ZNF239: variants seen among roughly 807,000 people sequenced by gnomAD.
ZNF239 encodes the protein zinc finger protein 239.
A neutral mutation model predicts 27.5 loss-of-function variants in ZNF239; 16 were observed. That is an observed-to-expected ratio of 0.58 (90% CI 0.39 to 0.88). The LOEUF is 0.88. ZNF239 is among the 40% of genes least tolerant of loss of function. ZNF239 has a pLI of 0.00. For missense variants in ZNF239, 527 were observed against 551.9 expected, an observed-to-expected ratio of 0.95 and a Z score of 0.45; for synonymous variants, 199 against 192.6, an observed-to-expected ratio of 1.03 and a Z score of -0.27.
chr10:43,570,918 T>TA (rs930684934), intron 2 of ZNF239: 20 of 984,080 alleles, frequency 2.0e-5, no homozygotes, highest in African/African-American at 7.0e-5. Flanking sequence ...TTGTGGTAGG[T>TA]AAAAAAAATG....
At chr10:43,570,981 G>A (rs1460365078) in intron 2 of ZNF239, 1 of 985,070 alleles carries the variant, frequency 1.0e-6, no homozygotes, top group African/African-American at 1.7e-5. Flanking sequence ...AGGAGAAAAG[G>A]AAAGGAAATT....
chr10:43,557,894 T>C lies in ZNF239; in HGVS notation c.186A>G (p.Thr62=), dbSNP rs375414028. ...GGCTTGAGACTTTCAAAGGCAAATA[T>C]GTTTCACTTTCAATGTTTTCGAAAC... ...SGCFENIESE[T]YLPLKVSSQI... is the part of the protein sequence containing the mutation. The change falls in exon 4 of 4, where the codon ACA becomes ACG. Residue 62 remains threonine (T), a synonymous_variant. Transcript: ENST00000374446. 8 of 1,614,118 alleles carry C rather than the reference T, an allele frequency of 5.0e-6. No individual in the cohort carries two copies. The African/African-American group carries it at 1.1e-4, about 22-fold the overall frequency.
At chr10:43,558,795 T>C (rs1444954027) in intron 3 of ZNF239, among the ~76,000 whole-genome samples, 2 of 152,224 alleles carry the variant, frequency 1.3e-5, no homozygotes, top group Non-Finnish European at 2.9e-5. Flanking sequence ...TCTGCTTTCA[T>C]AGGTGTGGGG....
chr10:43,558,121 C>T lies in ZNF239; in HGVS notation c.-42G>A. On this transcript the variant is annotated 5_prime_UTR_variant, in exon 4 of 4. Coordinates refer to ENST00000374446, the MANE Select transcript of ZNF239 (RefSeq NM_001099282.2). The stretch of plus-strand genomic sequence containing the variant: ...CAGGAGGAAAGCTCATGTAACAGAT[C>T]CTGAAGTGTTTTCTGCTGAAGATTC... The T allele has an allele frequency of 6.4e-7, 1 of 1,566,916 alleles. No individual in the cohort carries two copies. The highest frequency in any genetic ancestry group is 1.2e-5 in the South Asian group (1 of 84,446).
At chr10:43,563,909 T>G (rs1349339783) in intron 3 of ZNF239, among the ~76,000 whole-genome samples, 1 of 152,098 alleles carries the variant, frequency 6.6e-6, no homozygotes. Flanking sequence ...TTCTCCCACC[T>G]CAGCCTCCCA....
rs547662150 is a variant in ZNF239 at position 43,561,265 on chromosome 10, T to C, written c.-92-3094A>G. 2.8e-4 allele frequency among the ~76,000 whole-genome samples: 43 copies of C among 152,174 alleles called. No individual in the cohort carries two copies. In the South Asian group the frequency reaches 7.5e-3, roughly 26 times the overall value. On this transcript the variant is annotated intron_variant, in intron 3 of 3. Transcript: ENST00000374446. ...AATTCAAGATTCAGGGCCCAATAAA[T>C]GCTAAAAAATGGTATGTAAAAAGAC...
At chr10:43,570,117 A>C in intron 2 of ZNF239, 2 of 960,944 alleles carry the variant, frequency 2.1e-6, no homozygotes, top group Non-Finnish European at 2.5e-6. Flanking sequence ...GCCTGAGGCT[A>C]AAGAGGCACC....
chr10:43,569,468 T>C (rs1466413179), intron 2 of ZNF239, among the ~76,000 whole-genome samples: 1 of 152,040 alleles, frequency 6.6e-6, no homozygotes, highest in Non-Finnish European at 1.5e-5. Context: ...TCCTGTCACC[T>C]CCCCAACCTA....
rs201462635 is a variant in ZNF239, at chr10:43,557,036, C to G, written c.1044G>C (p.Lys348Asn). ...QRVHTGERPY[K>N]CGECGKGFSQ... ...TGAAGCCCTTCCCACACTCACCACA[C>G]TTGTAGGGCCTCTCTCCTGTGTGTA... Residue 348 changes from lysine to asparagine, a missense_variant, in exon 4 of 4, where the codon AAG becomes AAC. By Grantham distance (94) the Lys-to-Asn change is moderately conservative. Coordinates refer to ENST00000374446, the MANE Select transcript of ZNF239 (RefSeq NM_001099282.2). 3.1e-6 allele frequency: 5 copies of G among 1,612,940 alleles called. No homozygotes were observed. The South Asian group carries it at 5.5e-5, about 18-fold the overall frequency.
At chr10:43,564,335 T>A (rs1338564) in intron 3 of ZNF239, 942,835 of 963,722 alleles carry the variant, frequency 0.98, 461,371 homozygotes, top group East Asian at 1. Context: ...TAAAGGAGAC[T>A]AGTGTACCTG....
rs79656231 is a variant in ZNF239 at position 43,558,924 on chromosome 10, C to T, written c.-92-753G>A. On this transcript the variant is annotated intron_variant, in intron 3 of 3. Coordinates refer to ENST00000374446, the MANE Select transcript of ZNF239 (RefSeq NM_001099282.2). ...GTGTAGATGAATGTATAGTACAATA[C>T]AGTACAAGAGATGTATGCCTAACCA... is the stretch of plus-strand genomic sequence containing the variant. 9.6e-3 allele frequency among the ~76,000 whole-genome samples: 1,454 copies of T among 152,026 alleles called. 23 individuals carry two copies. Among genetic ancestry groups the T allele is most frequent in the South Asian group, 0.057 (272 of 4,812 alleles).
intron 3 of ZNF239, among the ~76,000 whole-genome samples, chr10:43,567,618 A>G (rs1447201132): frequency 6.6e-6 from 1 of 152,146 alleles, no homozygotes; most frequent in Non-Finnish European, 1.5e-5. Flanking sequence ...TTCACTTGCT[A>G]TTATATAATG....
chr10:43,556,945 C>T lies in ZNF239; in HGVS notation c.1135G>A (p.Glu379Lys). 4 of 1,612,444 alleles carry T rather than the reference C, an allele frequency of 2.5e-6. No individual in the cohort carries two copies. Among genetic ancestry groups the T allele is most frequent in the Non-Finnish European group, 2.5e-6 (3 of 1,179,556 alleles). Reference sequence around the variant, plus strand: ...CTCTGGCTGAAACCCTTCCCACACTCATAGCATTGGTAAGGCTTCTCTCCT... The same window carrying T: ...CTCTGGCTGAAACCCTTCCCACACTTATAGCATTGGTAAGGCTTCTCTCCT... ...HTGEKPYQCY[E>K]CGKGFSQSSD... is the part of the protein sequence containing the mutation. The change falls in exon 4 of 4, where the codon GAG becomes AAG. Residue 379 changes from glutamate (E) to lysine (K), a missense_variant. By Grantham distance (56) the Glu-to-Lys change is moderately conservative. Coordinates refer to ENST00000374446, the MANE Select transcript of ZNF239 (RefSeq NM_001099282.2).
At position 43,557,400 on chromosome 10, in the gene ZNF239, C is replaced by T. The variant is rs753236546; in HGVS notation, c.680G>A (p.Arg227Lys). 19 of 1,614,056 alleles carry T rather than the reference C, an allele frequency of 1.2e-5. No homozygotes were observed. Among genetic ancestry groups the T allele is most frequent in the Non-Finnish European group, 1.6e-5 (19 of 1,180,044 alleles). ...GTAGGGTTTTTCTTCTGTGTGGTCTCTCTGATGAAGTAGTAGCTCTGAGCT... is the reference window on the plus strand; with the variant it reads ...GTAGGGTTTTTCTTCTGTGTGGTCTTTCTGATGAAGTAGTAGCTCTGAGCT... ...SQSSELLLHQ[R>K]DHTEEKPYKC... Residue 227 changes from arginine (R) to lysine (K), a missense_variant, in exon 4 of 4, where the codon AGA becomes AAA. Arg to Lys is a conservative substitution (Grantham distance 26). Transcript: ENST00000374446.
chr10:43,571,341 G>A (rs972292345), intron 2 of ZNF239, among the ~76,000 whole-genome samples: 1 of 150,452 alleles, frequency 6.6e-6, no homozygotes, highest in African/African-American at 2.5e-5. Context: ...TTACACTTGA[G>A]TCTAGCACAG....
At chr10:43,570,179 T>C (rs994137593) in intron 2 of ZNF239, 3 of 985,170 alleles carry the variant, frequency 3.0e-6, no homozygotes, top group Admixed American at 6.2e-5. Context: ...CTTACCCAAC[T>C]TGTCACCAGT....
chr10:43,565,743 A>G (rs982945221), intron 3 of ZNF239, among the ~76,000 whole-genome samples: 6 of 133,140 alleles, frequency 4.5e-5, no homozygotes, highest in Non-Finnish European at 7.8e-5. Flanking sequence ...TGAACCCAGG[A>G]GGCGGAGGTG....
At chr10:43,563,897 G>GA (rs1224486655) in intron 3 of ZNF239, among the ~76,000 whole-genome samples, 1 of 151,992 alleles carries the variant, frequency 6.6e-6, no homozygotes, top group African/African-American at 2.4e-5. Context: ...GGGCTCAAGC[G>GA]ATTCTCCCAC....
chr10:43,573,406 C>G (rs1003739226), intron 2 of ZNF239, among the ~76,000 whole-genome samples: 2 of 152,142 alleles, frequency 1.3e-5, no homozygotes, highest in African/African-American at 4.8e-5. Flanking sequence ...AGGGCACAGC[C>G]CACTGCTCTG....
Sources: gnomAD v4.1 joint callset for allele counts (sites outside exome capture counted in the v4.1 genomes callset) on GRCh38, gnomAD v4.1.1 for gene constraint, MANE v1.5 for transcripts, NCBI Gene and HGNC (gene_info 2026-07-23, HGNC 2026-07-21) for gene names.